ADAM18: variants seen among roughly 807,000 people sequenced by gnomAD.
ADAM18 encodes the protein ADAM metallopeptidase domain 18.
Under a neutral mutation model 94.4 loss-of-function variants are expected in ADAM18, and 117 were observed. The observed-to-expected ratio is 1.24, with a 90% CI of 1.07 to 1.45. The LOEUF (loss-of-function observed/expected upper bound fraction) is 1.45. Among genes scored for constraint, ADAM18 ranks in the 40% most tolerant of loss-of-function variants. The pLI, the probability that ADAM18 is intolerant of heterozygous loss-of-function variation, is 0.00. For missense variants in ADAM18, 936 were observed against 880.0 expected, an observed-to-expected ratio of 1.06 and a Z score of -0.81; for synonymous variants, 327 against 291.6, an observed-to-expected ratio of 1.12 and a Z score of -1.24.
intron 10 of ADAM18, among the ~76,000 whole-genome samples, chr8:39,641,885 TAA>T (rs2129579421): frequency 6.6e-6 from 1 of 152,186 alleles, no homozygotes; most frequent in Non-Finnish European, 1.5e-5. Flanking sequence ...CTGCAGTGTA[TAA>T]GTGTTCCTCT....
At chr8:39,588,087 T>G (rs1355265052) in intron 2 of ADAM18, among the ~76,000 whole-genome samples, 2 of 152,186 alleles carry the variant, frequency 1.3e-5, no homozygotes, top group Admixed American at 1.3e-4. Context: ...GTAGTTCTAT[T>G]TTTAATTTTT....
At chr8:39,690,471 A>G (rs1281551573) in intron 16 of ADAM18, among the ~76,000 whole-genome samples, 1 of 152,096 alleles carries the variant, frequency 6.6e-6, no homozygotes, top group Non-Finnish European at 1.5e-5. Context: ...TAGGAGGCCT[A>G]ATTTGGACAA....
chr8:39,722,210 TGTGTG>T lies in ADAM18; in HGVS notation c.2018-1537_2018-1533del, dbSNP rs1563321338. Among the ~76,000 whole-genome samples the T allele has an allele frequency of 1.3e-3, 97 of 72,870 alleles. 1 individual carries two copies. The highest frequency in any genetic ancestry group is 7.6e-3 in the African/African-American group (92 of 12,076). The allele number at this position is 72,870 out of a possible 152,430, so 47.8% of individuals were successfully genotyped here. On this transcript the variant is annotated intron_variant, in intron 18 of 19. Coordinates refer to ENST00000265707, the MANE Select transcript of ADAM18 (RefSeq NM_014237.3). The stretch of plus-strand genomic sequence containing the variant: ...TATACCGTGTGTGTGTGTGTGTGTG[TGTGTG>T]TGTATATATATATATATATATATAT...
chr8:39,616,358 C>T (rs746906753), intron 6 of ADAM18, among the ~76,000 whole-genome samples: 2 of 152,006 alleles, frequency 1.3e-5, no homozygotes, highest in East Asian at 1.9e-4. Context: ...TGCAGTGAGC[C>T]GAGATGGCAC....
intron 7 of ADAM18, among the ~76,000 whole-genome samples, chr8:39,632,484 C>T (rs912766633): frequency 8.5e-5 from 13 of 152,110 alleles, no homozygotes; most frequent in African/African-American, 2.9e-4. Context: ...ATATAGAGAA[C>T]CATACTTGTG....
intron 14 of ADAM18, among the ~76,000 whole-genome samples, chr8:39,674,565 C>T (rs1042906130): frequency 2.6e-5 from 4 of 152,086 alleles, no homozygotes; most frequent in Non-Finnish European, 4.4e-5. Context: ...TGGGTCTTGA[C>T]TCTTTATCCA....
At chr8:39,586,734 C>CA (rs988586380) in intron 2 of ADAM18, among the ~76,000 whole-genome samples, 12 of 151,000 alleles carry the variant, frequency 7.9e-5, no homozygotes, top group Non-Finnish European at 1.6e-4. Context: ...CTCTTAAAAA[C>CA]AAAAAACAAA....
rs1165169207 is a variant in ADAM18 at position 39,668,088 on chromosome 8, C to A, written c.1417C>A (p.Pro473Thr). 1 of 1,614,032 alleles carries A rather than the reference C, an allele frequency of 6.2e-7. No homozygotes were observed. The highest frequency in any genetic ancestry group is 1.1e-5 in the South Asian group (1 of 91,080). The change falls in exon 14 of 20, where the codon CCT (proline) becomes ACT (threonine). Residue 473 changes from proline to threonine, a missense_variant. Coordinates refer to ENST00000265707, the MANE Select transcript of ADAM18 (RefSeq NM_014237.3). ...CAATGGAACCTCTAGTAATTGTGTT[C>A]CTGACACTTATGCATTGAATGGCCG... Reference protein sequence around the residue: ...YCNGTSSNCVPDTYALNGRLC... With the variant: ...YCNGTSSNCVTDTYALNGRLC...
intron 16 of ADAM18, among the ~76,000 whole-genome samples, chr8:39,686,791 G>T (rs1821616924): frequency 6.6e-6 from 1 of 152,186 alleles, no homozygotes; most frequent in South Asian, 2.1e-4. Flanking sequence ...GTAGGAATCA[G>T]AACTCTGTGC....
At chr8:39,624,232 G>A (rs1479909987) in intron 6 of ADAM18, among the ~76,000 whole-genome samples, 1 of 152,208 alleles carries the variant, frequency 6.6e-6, no homozygotes, top group African/African-American at 2.4e-5. Flanking sequence ...CTAGGGCAAT[G>A]TCCAGAAGAG....
At chr8:39,667,263 G>T (rs752251730) in intron 13 of ADAM18, among the ~76,000 whole-genome samples, 1 of 151,808 alleles carries the variant, frequency 6.6e-6, no homozygotes, top group Non-Finnish European at 1.5e-5. Flanking sequence ...TTAGCCAGGC[G>T]TGGTGGCATG....
chr8:39,713,644 A>G (rs543844602), intron 18 of ADAM18, among the ~76,000 whole-genome samples: 7 of 152,346 alleles, frequency 4.6e-5, no homozygotes, highest in Middle Eastern at 3.4e-3. Flanking sequence ...ATCAATAGAC[A>G]CTTCTCAAAA....
At chr8:39,680,632 A>G (rs899882566) in intron 16 of ADAM18, among the ~76,000 whole-genome samples, 2 of 152,230 alleles carry the variant, frequency 1.3e-5, no homozygotes, top group African/African-American at 4.8e-5. Context: ...GAACCAAACA[A>G]GAATCTATAC....
At chr8:39,623,890 C>CA (rs1233224248) in intron 6 of ADAM18, among the ~76,000 whole-genome samples, 1 of 152,162 alleles carries the variant, frequency 6.6e-6, no homozygotes, top group African/African-American at 2.4e-5. Flanking sequence ...TTTTAATTTG[C>CA]ATTTCCGTGT....
chr8:39,641,132 T>C (rs1057352502), intron 10 of ADAM18, among the ~76,000 whole-genome samples: 1 of 152,102 alleles, frequency 6.6e-6, no homozygotes, highest in Non-Finnish European at 1.5e-5. Context: ...CCAGGGTTTT[T>C]CAGTTTGGGG....
chr8:39,664,707 C>T (rs1451088210), intron 13 of ADAM18, among the ~76,000 whole-genome samples: 2 of 151,978 alleles, frequency 1.3e-5, no homozygotes, highest in Non-Finnish European at 2.9e-5. Context: ...AAATGCAAAT[C>T]ATACACATAC....
chr8:39,656,065 C>T (rs149625277), intron 12 of ADAM18, among the ~76,000 whole-genome samples: 510 of 151,828 alleles, frequency 3.4e-3, no homozygotes, highest in Non-Finnish European at 6.1e-3. Flanking sequence ...TTCATCATCC[C>T]GAAGTGCAAT....
At chr8:39,652,347 A>G (rs1356952027) in intron 12 of ADAM18, among the ~76,000 whole-genome samples, 1 of 152,168 alleles carries the variant, frequency 6.6e-6, no homozygotes, top group Non-Finnish European at 1.5e-5. Context: ...CAACCACTCA[A>G]TAGCAGGAAA....
In ADAM18 at chr8:39,708,377, T is replaced by G. The variant is rs146320148; in HGVS notation, c.2017+1473T>G. 2.4e-3 allele frequency among the ~76,000 whole-genome samples: 358 copies of G among 152,306 alleles called. 2 individuals are homozygous for G. Among genetic ancestry groups the G allele is most frequent in the African/African-American group, 8.2e-3 (339 of 41,572 alleles). On this transcript the variant is annotated intron_variant, in intron 18 of 19. Transcript: ENST00000265707. ...ATTTTTAAAATCTCATATAGAATTA[T>G]AAAAACTAAACAAATGATTTTCATT...
Sources: gnomAD v4.1 joint callset for allele counts (sites outside exome capture counted in the v4.1 genomes callset) on GRCh38, gnomAD v4.1.1 for gene constraint, MANE v1.5 for transcripts, NCBI Gene and HGNC (gene_info 2026-07-23, HGNC 2026-07-21) for gene names.